Variants in VAV3 observed in about 807,000 individuals in gnomAD.
The protein encoded by VAV3 is guanine nucleotide exchange factor VAV3.
Under a neutral mutation model 131.2 loss-of-function variants are expected in VAV3, and 94 were observed. The ratio of observed to expected loss-of-function variants is 0.72; its 90% CI spans 0.61 to 0.85. The LOEUF is 0.85. Among genes scored for constraint, VAV3 ranks in the 40% least tolerant of loss-of-function variants. The pLI is 0.00. For synonymous variants in VAV3, 349 were observed against 342.0 expected (o/e 1.02, Z -0.22); for missense variants, 939 against 1,002.7 (o/e 0.94, Z 0.86).
At chr1:107,679,925 C>G (rs182506030) in intron 19 of VAV3, among the ~76,000 whole-genome samples, 1 of 152,150 alleles carries the variant, frequency 6.6e-6, no homozygotes, top group Admixed American at 6.5e-5. Flanking sequence ...AAAGAGCTAC[C>G]AGAATTTGCA....
intron 7 of VAV3, among the ~76,000 whole-genome samples, chr1:107,767,222 A>T (rs1553204286): frequency 1.3e-5 from 2 of 152,176 alleles, no homozygotes; most frequent in Non-Finnish European, 1.5e-5. Context: ...TACCAGAGCA[A>T]CTCAAAATGT....
intron 22 of VAV3, among the ~76,000 whole-genome samples, chr1:107,604,381 T>A (rs1318245423): frequency 6.6e-6 from 1 of 152,196 alleles, no homozygotes; most frequent in Non-Finnish European, 1.5e-5. Context: ...TTTATGCAGA[T>A]GGTACCTTGC....
intron 12 of VAV3, among the ~76,000 whole-genome samples, chr1:107,751,602 G>A (rs964265676): frequency 7.2e-5 from 11 of 151,942 alleles, no homozygotes; most frequent in Non-Finnish European, 1.3e-4. Flanking sequence ...ACACTGCGCA[G>A]TGGAGGAACA....
chr1:107,640,094 C>A lies in VAV3; in HGVS notation c.1914+2525G>T, dbSNP rs1205651570. Among the ~76,000 whole-genome samples, 7 of 152,174 alleles carry A rather than the reference C, an allele frequency of 4.6e-5. No individual in the cohort carries two copies. In the East Asian group the frequency reaches 1.4e-3, roughly 29 times the overall value. On this transcript the variant is annotated intron_variant, in intron 20 of 26. Transcript: ENST00000370056. ...ACTTAAATGTATATCTACATATGATCTATATATTCCCCTCTTGGCATTAGT... is the reference window on the plus strand; with the variant it reads ...ACTTAAATGTATATCTACATATGATATATATATTCCCCTCTTGGCATTAGT...
intron 2 of VAV3, among the ~76,000 whole-genome samples, chr1:107,850,719 A>AT (rs202099611): frequency 2.0e-5 from 3 of 151,916 alleles, no homozygotes; most frequent in Non-Finnish European, 4.4e-5. Context: ...TTAAAGTATA[A>AT]TTTTTTTAAA....
chr1:107,694,602 T>C (rs1185758791), intron 17 of VAV3, among the ~76,000 whole-genome samples: 1 of 152,190 alleles, frequency 6.6e-6, no homozygotes, highest in Non-Finnish European at 1.5e-5. Flanking sequence ...GGTAAGGTTT[T>C]TATTCCACTT....
At chr1:107,772,910 C>A in intron 4 of VAV3, 67 bp from the exon 5 acceptor site, 4 of 1,332,044 alleles carry the variant, frequency 3.0e-6, no homozygotes, top group Non-Finnish European at 4.2e-6. Context: ...TACAAATAGC[C>A]TACTGGATTT....
intron 1 of VAV3, among the ~76,000 whole-genome samples, chr1:107,937,098 A>C (rs1673759169): frequency 6.6e-6 from 1 of 152,104 alleles, no homozygotes; most frequent in Non-Finnish European, 1.5e-5. Context: ...CCGCCACCCC[A>C]AAAAAACAGC....
intron 2 of VAV3, among the ~76,000 whole-genome samples, chr1:107,858,593 T>A (rs1407324207): frequency 1.3e-5 from 2 of 152,172 alleles, no homozygotes; most frequent in Non-Finnish European, 2.9e-5. Context: ...TGAAGCCTAC[T>A]GTGAACTGTG....
At chr1:107,947,608 G>A (rs975872132) in intron 1 of VAV3, among the ~76,000 whole-genome samples, 2 of 152,202 alleles carry the variant, frequency 1.3e-5, no homozygotes, top group African/African-American at 4.8e-5. Context: ...TTAATATGCT[G>A]AGAGATTAAG....
chr1:107,701,745 G>A (rs572640161), intron 17 of VAV3, among the ~76,000 whole-genome samples: 7 of 152,188 alleles, frequency 4.6e-5, no homozygotes, highest in South Asian at 4.2e-4. Flanking sequence ...TCTCTAGGGT[G>A]GGGCACAATG....
At chr1:107,693,536 T>C (rs1322343138) in intron 17 of VAV3, among the ~76,000 whole-genome samples, 2 of 152,058 alleles carry the variant, frequency 1.3e-5, no homozygotes, top group African/African-American at 4.8e-5. Context: ...ATATAGAGCA[T>C]GAAATATAGA....
In VAV3 at chr1:107,672,894, A is replaced by G. The variant is rs368645301; in HGVS notation, c.1777+10594T>C. On this transcript the variant is annotated intron_variant, in intron 19 of 26. Coordinates refer to ENST00000370056, the MANE Select transcript of VAV3 (RefSeq NM_006113.5). ...AAAGAACAATACAAGGTTGGTGGGC[A>G]TAAAATAAGACATATTCTCATACCC... 1.1e-3 allele frequency among the ~76,000 whole-genome samples: 172 copies of G among 152,328 alleles called. 1 individual carries two copies. Among genetic ancestry groups the G allele is most frequent in the African/African-American group, 3.8e-3 (158 of 41,576 alleles).
intron 20 of VAV3, among the ~76,000 whole-genome samples, chr1:107,634,774 A>G (rs1654780920): frequency 6.6e-6 from 1 of 151,962 alleles, no homozygotes; most frequent in Admixed American, 6.6e-5. Context: ...ACAAATTTAC[A>G]AGAAAAAAAC....
chr1:107,657,362 G>C (rs1272102069), intron 19 of VAV3, among the ~76,000 whole-genome samples: 1 of 152,148 alleles, frequency 6.6e-6, no homozygotes, highest in Non-Finnish European at 1.5e-5. Flanking sequence ...AATTCCACAT[G>C]TATTAAATCA....
chr1:107,642,638 G>A lies in VAV3; in HGVS notation c.1895C>T (p.Ala632Val), dbSNP rs146124612. 1.5e-4 allele frequency: 246 copies of A among 1,613,090 alleles called. No homozygotes were observed. The highest frequency in any genetic ancestry group is 1.9e-4 in the Non-Finnish European group (226 of 1,179,520). Residue 632 changes from alanine (A) to valine (V), a missense_variant, in exon 20 of 27, where the codon GCA becomes GTA. Coordinates refer to ENST00000370056, the MANE Select transcript of VAV3 (RefSeq NM_006113.5). ...CAGTACCTGCCAAAACAGACTGTGT[G>A]CATCTCCTTTCAGAAGTTCAACGGT... Reference protein sequence around the residue: ...GDTVELLKGDAHSLFWQGRNL... With the variant: ...GDTVELLKGDVHSLFWQGRNL...
chr1:107,617,648 A>T lies in VAV3; in HGVS notation c.1915-16T>A. 6.2e-7 allele frequency: 1 copy of T among 1,611,786 alleles called. No individual in the cohort carries two copies. Among genetic ancestry groups the T allele is most frequent in the African/African-American group, 1.3e-5 (1 of 74,840 alleles). ...AATTTCTGCCCTAAGGAAAAAAAAA[A>T]AATGCCAGTGTTGAGAACAAATTTA... On this transcript the variant is annotated splice_polypyrimidine_tract_variant and intron_variant, in intron 20 of 26. Coordinates refer to ENST00000370056, the MANE Select transcript of VAV3 (RefSeq NM_006113.5).
At chr1:107,806,532 T>C (rs576326665) in intron 2 of VAV3, among the ~76,000 whole-genome samples, 7 of 152,144 alleles carry the variant, frequency 4.6e-5, no homozygotes, top group Non-Finnish European at 7.3e-5. Flanking sequence ...GCTTTTACTA[T>C]CTTCAACCCT....
At chr1:107,931,631 G>A (rs532245656) in intron 1 of VAV3, among the ~76,000 whole-genome samples, 6 of 152,260 alleles carry the variant, frequency 3.9e-5, no homozygotes, top group Non-Finnish European at 5.9e-5. Context: ...ATTAAAACAC[G>A]TGATTGAAAT....
Sources: allele counts gnomAD v4.1 joint callset (sites outside exome capture counted in the v4.1 genomes callset), GRCh38; gene constraint gnomAD v4.1.1; transcripts MANE v1.5; gene names NCBI Gene and HGNC (gene_info 2026-07-23, HGNC 2026-07-21).